AUTS2: variants seen among roughly 807,000 people sequenced by gnomAD.
AUTS2 encodes activator of transcription and developmental regulator AUTS2.
AUTS2 carries 17 observed loss-of-function variants against 112.4 expected under a neutral mutation model. The ratio of observed to expected loss-of-function variants is 0.15; its 90% CI spans 0.10 to 0.23. The LOEUF (loss-of-function observed/expected upper bound fraction) is 0.23, where lower values mean the gene tolerates loss of function less well. Among genes scored for constraint, AUTS2 ranks in the 10% least tolerant of loss-of-function variants. The probability of loss-of-function intolerance (pLI) is 1.00; values close to 1 mark genes in which losing one functional copy is unlikely to be tolerated. For synonymous variants in AUTS2, 751 were observed against 702.7 expected (o/e 1.07, Z -1.09); for missense variants, 1,510 against 1,701.6 (o/e 0.89, Z 1.98).
chr7:70,772,761 T>C (rs1431805643), intron 11 of AUTS2, among the ~76,000 whole-genome samples: 1 of 152,250 alleles, frequency 6.6e-6, no homozygotes, highest in Admixed American at 6.5e-5. Flanking sequence ...GTTACAGATA[T>C]ACAGGGCTTT....
At chr7:70,659,240 G>A (rs963094385) in intron 5 of AUTS2, among the ~76,000 whole-genome samples, 2 of 152,168 alleles carry the variant, frequency 1.3e-5, no homozygotes, top group African/African-American at 2.4e-5. Context: ...AGGATATCAC[G>A]CCCACGACTG....
intron 4 of AUTS2, among the ~76,000 whole-genome samples, chr7:70,412,366 G>A (rs1252101327): frequency 6.6e-6 from 1 of 152,182 alleles, no homozygotes; most frequent in Non-Finnish European, 1.5e-5. Flanking sequence ...AGTAAAGAAT[G>A]CCTGGATTGA....
rs376097049 is a variant in AUTS2 at position 70,591,649 on chromosome 7, T to C, written c.691-106920T>C. Among the ~76,000 whole-genome samples the C allele has an allele frequency of 8.5e-5, 13 of 152,272 alleles. No homozygotes were observed. In the East Asian group the frequency reaches 2.5e-3, roughly 29 times the overall value. ...CCTGACCTCAAGTGATTCTCCCGCC[T>C]CAGCCTCCGAAAGTGCTGGGGTTAC... On this transcript the variant is annotated intron_variant, in intron 5 of 18. Coordinates refer to ENST00000342771, the MANE Select transcript of AUTS2 (RefSeq NM_015570.4).
At chr7:70,461,746 G>T (rs544024031) in intron 5 of AUTS2, among the ~76,000 whole-genome samples, 1 of 152,148 alleles carries the variant, frequency 6.6e-6, no homozygotes, top group East Asian at 1.9e-4. Context: ...GGTGTGGTAG[G>T]ATAGAACCAC....
intron 6 of AUTS2, among the ~76,000 whole-genome samples, chr7:70,708,046 T>G (rs1426608376): frequency 1.3e-5 from 2 of 152,148 alleles, no homozygotes; most frequent in Non-Finnish European, 2.9e-5. Context: ...ATGTCTCAAG[T>G]GTGCCCGTTA....
chr7:70,757,842 G>T, intron 6 of AUTS2, among the ~76,000 whole-genome samples: 1 of 122,422 alleles, frequency 8.2e-6, no homozygotes. Flanking sequence ...TGGAAACAGG[G>T]TCTTGCTCTG....
chr7:69,928,493 C>T (rs866537004), intron 2 of AUTS2, among the ~76,000 whole-genome samples: 4 of 152,226 alleles, frequency 2.6e-5, no homozygotes, highest in Admixed American at 6.5e-5. Context: ...CTGAGCTGCC[C>T]TCAGCAGCTC....
At chr7:70,005,261 C>T (rs908488983) in intron 2 of AUTS2, among the ~76,000 whole-genome samples, 5 of 151,998 alleles carry the variant, frequency 3.3e-5, no homozygotes, top group East Asian at 3.9e-4. Context: ...TTTGGATTTC[C>T]GTAGGGCCTT....
chr7:70,348,640 T>TA lies in AUTS2; in HGVS notation c.661-87106dup, dbSNP rs548930872. On this transcript the variant is annotated intron_variant, in intron 4 of 18. Transcript: ENST00000342771. ...TAACACGGTGAAACCCCGTCTCTAC[T>TA]AAAAAATACAAAAAAAAAAATTAGC... is the stretch of plus-strand genomic sequence containing the variant. Among the ~76,000 whole-genome samples, 466 of 151,254 alleles carry TA rather than the reference T, an allele frequency of 3.1e-3. 2 individuals are homozygous for TA. The highest frequency in any genetic ancestry group is 0.011 in the African/African-American group (448 of 41,158).
intron 5 of AUTS2, among the ~76,000 whole-genome samples, chr7:70,476,522 A>G (rs1797589694): frequency 6.6e-6 from 1 of 152,230 alleles, no homozygotes; most frequent in Non-Finnish European, 1.5e-5. Context: ...CCCCACACAG[A>G]AGAAAATTAG....
In AUTS2 at chr7:70,790,525, G is replaced by A. The variant is rs768115378; in HGVS notation, c.3309G>A (p.Arg1103=). 2.5e-5 allele frequency: 40 copies of A among 1,609,100 alleles called. No homozygotes were observed. The highest frequency in any genetic ancestry group is 3.4e-5 in the Admixed American group (2 of 59,482). ...TGCTAAGGAACGACCCGCTCCACCG[G>A]CTCTCGACTCCCCGGCTGTACGAAG... ...DFLLRNDPLH[R]LSTPRLYEAD... Residue 1103 remains arginine, a synonymous_variant, in exon 19 of 19, where the codon CGG becomes CGA. Coordinates refer to ENST00000342771, the MANE Select transcript of AUTS2 (RefSeq NM_015570.4). The surrounding 1 kb of genome is among the most constrained non-coding windows in gnomAD (Gnocchi z 7.6).
At chr7:70,143,938 A>G (rs1391220399) in intron 4 of AUTS2, among the ~76,000 whole-genome samples, 1 of 152,142 alleles carries the variant, frequency 6.6e-6, no homozygotes, top group Non-Finnish European at 1.5e-5. Flanking sequence ...TCATATGTTC[A>G]TCACATCTCA....
intron 5 of AUTS2, among the ~76,000 whole-genome samples, chr7:70,605,315 G>A (rs1360942722): frequency 6.6e-6 from 1 of 152,122 alleles, no homozygotes; most frequent in Non-Finnish European, 1.5e-5. Flanking sequence ...TGCTAAATGA[G>A]ACGAATTGAA....
intron 5 of AUTS2, among the ~76,000 whole-genome samples, chr7:70,493,912 T>C (rs1798347757): frequency 1.3e-5 from 2 of 152,140 alleles, no homozygotes; most frequent in Admixed American, 6.5e-5. Flanking sequence ...TTCTAGGCAG[T>C]TAAATAAAAT....
At chr7:70,313,694 C>T (rs1235735114) in intron 4 of AUTS2, among the ~76,000 whole-genome samples, 4 of 152,176 alleles carry the variant, frequency 2.6e-5, no homozygotes, top group Non-Finnish European at 2.9e-5. Flanking sequence ...GCCACGGACC[C>T]GCCGGTTCCT....
intron 4 of AUTS2, among the ~76,000 whole-genome samples, chr7:70,355,139 G>T (rs1469037713): frequency 1.3e-5 from 2 of 151,562 alleles, no homozygotes; most frequent in Admixed American, 6.6e-5. Flanking sequence ...TATACGGAGA[G>T]AGATTTCTGG....
chr7:70,282,558 C>T (rs904426547), intron 4 of AUTS2, among the ~76,000 whole-genome samples: 56 of 152,154 alleles, frequency 3.7e-4, no homozygotes, highest in Admixed American at 2.6e-4. Flanking sequence ...CTAATTCACT[C>T]ATGAAGGCTT....
rs1283165280 is a variant in AUTS2, at chr7:70,666,835, T to G, written c.691-31734T>G. Among the ~76,000 whole-genome samples, 4 of 152,048 alleles carry G rather than the reference T, an allele frequency of 2.6e-5. No individual in the cohort carries two copies. In the East Asian group the frequency reaches 7.7e-4, roughly 29 times the overall value. ...GTGCAAGGTGTACCCTAGGGCTGAT[T>G]GTGTTCCTGGGAGCTGGAAGCTGTT... On this transcript the variant is annotated intron_variant, in intron 5 of 18. Coordinates refer to ENST00000342771, the MANE Select transcript of AUTS2 (RefSeq NM_015570.4).
chr7:70,536,066 C>A (rs1430534010), intron 5 of AUTS2, among the ~76,000 whole-genome samples: 1 of 152,060 alleles, frequency 6.6e-6, no homozygotes, highest in Admixed American at 6.5e-5. Flanking sequence ...GGTGGCTCAC[C>A]CCTGTAATAC....
Sources: gnomAD v4.1 joint callset for allele counts (sites outside exome capture counted in the v4.1 genomes callset) on GRCh38, gnomAD v4.1.1 for gene constraint, Gnocchi (gnomAD v3.1) non-coding constraint, MANE v1.5 for transcripts, NCBI Gene and HGNC (gene_info 2026-07-23, HGNC 2026-07-21) for gene names.